SHANK2: variants seen among roughly 807,000 people sequenced by gnomAD.
The protein encoded by SHANK2 is SH3 and multiple ankyrin repeat domains 2.
In SHANK2, 43 loss-of-function variants were observed where a neutral mutation model predicts 133.7. The ratio of observed to expected loss-of-function variants is 0.32; its 90% CI spans 0.25 to 0.41. The LOEUF (loss-of-function observed/expected upper bound fraction) is 0.41, where lower values mean the gene tolerates loss of function less well. Ranked by LOEUF, SHANK2 falls within the 10% of genes least tolerant of loss-of-function variation. The probability of loss-of-function intolerance (pLI) is 1.00; values close to 1 mark genes in which losing one functional copy is unlikely to be tolerated. For missense variants in SHANK2, 1,994 were observed against 2,235.8 expected (o/e 0.89, Z 2.18); for synonymous variants, 1,017 against 952.8 (o/e 1.07, Z -1.24).
At chr11:70,547,798 T>C (rs1374549938) in intron 17 of SHANK2, among the ~76,000 whole-genome samples, 2 of 152,248 alleles carry the variant, frequency 1.3e-5, no homozygotes, top group Admixed American at 6.5e-5. Context: ...TTAACTCTGC[T>C]AAAGGAATCC....
At chr11:70,491,920 C>T (rs926970784) in intron 22 of SHANK2, among the ~76,000 whole-genome samples, 17 of 152,194 alleles carry the variant, frequency 1.1e-4, no homozygotes, top group African/African-American at 3.1e-4. Flanking sequence ...CCCAGGATCT[C>T]GGAGAGTGTG....
At chr11:70,881,550 ATAATAATAATAT>A (rs1205280284) in intron 11 of SHANK2, among the ~76,000 whole-genome samples, 967 of 24,008 alleles carry the variant, frequency 0.04, 8 homozygotes, top group African/African-American at 0.048. Flanking sequence ...CCCTGTCTCA[ATAATAATAATAT>A]TAATAATAAT....
chr11:71,177,352 T>A (rs1447387575), intron 2 of SHANK2, among the ~76,000 whole-genome samples: 1 of 152,108 alleles, frequency 6.6e-6, no homozygotes, highest in East Asian at 1.9e-4. Flanking sequence ...TTACAAGACA[T>A]ATAGAAGAAA....
At chr11:70,661,917 C>T (rs879965734) in intron 15 of SHANK2, 1 of 1,007,842 alleles carries the variant, frequency 9.9e-7, no homozygotes, top group Admixed American at 1.9e-5. Context: ...CAGGCAGAGC[C>T]GGAGCCAGCC....
chr11:70,657,966 G>A (rs1194642354), intron 17 of SHANK2, among the ~76,000 whole-genome samples: 3 of 152,096 alleles, frequency 2.0e-5, no homozygotes, highest in Non-Finnish European at 4.4e-5. Flanking sequence ...GCAAGTGCAG[G>A]GCCCACACAC....
intron 10 of SHANK2, among the ~76,000 whole-genome samples, chr11:70,910,133 A>G (rs556433334): frequency 2.0e-5 from 3 of 152,232 alleles, no homozygotes; most frequent in South Asian, 2.1e-4. Context: ...AGTGACCTCA[A>G]TTTAACTTAA....
In SHANK2 at chr11:70,948,744, C is replaced by T. The variant is rs571899177; in HGVS notation, c.1108-52177G>A. ...GAGGGGCCACGCTCCCAACCCCTGC[C>T]GAATGTCCACATGCACAGAGGCTGC... On this transcript the variant is annotated intron_variant, in intron 10 of 25. Transcript: ENST00000601538. Among the ~76,000 whole-genome samples the T allele has an allele frequency of 2.2e-3, 329 of 152,240 alleles. 1 individual carries two copies. The highest frequency in any genetic ancestry group is 3.8e-3 in the Non-Finnish European group (260 of 68,022).
intron 17 of SHANK2, among the ~76,000 whole-genome samples, chr11:70,584,590 C>T (rs1394498315): frequency 6.6e-6 from 1 of 152,168 alleles, no homozygotes; most frequent in Non-Finnish European, 1.5e-5. Flanking sequence ...ATGATTCCAG[C>T]TGCCAACGCT....
intron 25 of SHANK2, among the ~76,000 whole-genome samples, chr11:70,476,207 G>C (rs1232817159): frequency 2.0e-5 from 3 of 152,116 alleles, no homozygotes; most frequent in Non-Finnish European, 4.4e-5. Flanking sequence ...CAGCCTGGGC[G>C]ACTGAGCTAG....
rs144139018 is a variant in SHANK2 at position 70,906,279 on chromosome 11, C to T, written c.1108-9712G>A. Among the ~76,000 whole-genome samples, 113 of 152,346 alleles carry T rather than the reference C, an allele frequency of 7.4e-4. No homozygotes were observed. The Middle Eastern group carries it at 0.01, about 14-fold the overall frequency. On this transcript the variant is annotated intron_variant, in intron 10 of 25. Coordinates refer to ENST00000601538, the MANE Select transcript of SHANK2 (RefSeq NM_012309.5). ...CGAATGCTCTTCACAGTGGTGAGGG[C>T]GCCATGGAGCGGGACTGTCGCCTTT... is the stretch of plus-strand genomic sequence containing the variant.
intron 17 of SHANK2, chr11:70,603,328 A>T (rs1312679443): frequency 2.0e-5 from 3 of 152,396 alleles, no homozygotes; most frequent in African/African-American, 7.2e-5. Flanking sequence ...TGAGACCAAC[A>T]CCAAGCCACA....
chr11:70,925,992 G>A (rs543934936), intron 10 of SHANK2, among the ~76,000 whole-genome samples: 6 of 152,150 alleles, frequency 3.9e-5, no homozygotes, highest in South Asian at 2.1e-4. Context: ...ACATTGTATC[G>A]GCTGGGTGTG....
intron 15 of SHANK2, among the ~76,000 whole-genome samples, chr11:70,678,882 C>T (rs1944965691): frequency 6.6e-6 from 1 of 152,088 alleles, no homozygotes; most frequent in Admixed American, 6.6e-5. Flanking sequence ...TTGGTCCATG[C>T]CCCTGACCCC....
intron 10 of SHANK2, among the ~76,000 whole-genome samples, chr11:70,905,255 C>A (rs545985366): frequency 6.6e-6 from 1 of 152,178 alleles, no homozygotes; most frequent in African/African-American, 2.4e-5. Flanking sequence ...TATCAGGCAA[C>A]CCCTTTCAAG....
At chr11:70,834,099 GA>G (rs2135407492) in intron 11 of SHANK2, among the ~76,000 whole-genome samples, 1 of 152,398 alleles carries the variant, frequency 6.6e-6, no homozygotes, top group South Asian at 2.1e-4. Flanking sequence ...GCAATGCCAA[GA>G]AAATTCCCAG....
intron 14 of SHANK2, among the ~76,000 whole-genome samples, chr11:70,789,381 G>A (rs1591847234): frequency 6.6e-6 from 1 of 152,150 alleles, no homozygotes; most frequent in Non-Finnish European, 1.5e-5. Context: ...CTAGCTTCTA[G>A]AAACTTCTAG....
At chr11:70,647,290 C>G (rs767712768) in intron 17 of SHANK2, 1 of 152,228 alleles carries the variant, frequency 6.6e-6, no homozygotes, top group African/African-American at 2.4e-5. Flanking sequence ...TTGTTCCTTC[C>G]GGCTTTCTGC....
At chr11:71,167,340 C>A (rs1254590006) in intron 2 of SHANK2, among the ~76,000 whole-genome samples, 1 of 151,470 alleles carries the variant, frequency 6.6e-6, no homozygotes, top group African/African-American at 2.4e-5. Context: ...GGCAGAGGGG[C>A]TCACTTCCCA....
At chr11:70,519,285 T>C (rs1554970595) in intron 17 of SHANK2, among the ~76,000 whole-genome samples, 1 of 152,198 alleles carries the variant, frequency 6.6e-6, no homozygotes, top group Non-Finnish European at 1.5e-5. Flanking sequence ...AAGGCCCAGA[T>C]ACGGGCCGGA....
Sources: allele counts gnomAD v4.1 joint callset (sites outside exome capture counted in the v4.1 genomes callset), GRCh38; gene constraint gnomAD v4.1.1; transcripts MANE v1.5; gene names NCBI Gene and HGNC (gene_info 2026-07-23, HGNC 2026-07-21).